FXR2: variants seen among roughly 807,000 people sequenced by gnomAD.
The protein encoded by FXR2 is FMR1 autosomal homolog 2.
A neutral mutation model predicts 87.3 loss-of-function variants in FXR2; 9 were observed. That is an observed-to-expected ratio of 0.10 (90% CI 0.06 to 0.18). The LOEUF (loss-of-function observed/expected upper bound fraction) is 0.18. FXR2 is among the 10% of genes least tolerant of loss of function. The pLI is 1.00. For missense variants in FXR2, 661 were observed against 893.6 expected, an observed-to-expected ratio of 0.74 and a Z score of 3.32; for synonymous variants, 331 against 328.3, an observed-to-expected ratio of 1.01 and a Z score of -0.09.
intron 1 of FXR2, among the ~76,000 whole-genome samples, chr17:7,610,063 CACAT>C (rs201948788): frequency 2.8e-4 from 40 of 141,096 alleles, no homozygotes; most frequent in Middle Eastern, 3.9e-3. Flanking sequence ...CACACACACA[CACAT>C]ATATATAAAT....
In FXR2 at chr17:7,593,816, T is replaced by C. The variant is rs2071686974; in HGVS notation, c.1107+102A>G. 2.3e-6 allele frequency: 2 copies of C among 885,960 alleles called. No individual in the cohort carries two copies. The highest frequency in any genetic ancestry group is 3.7e-6 in the Non-Finnish European group (2 of 539,502). 54.9% of individuals were successfully genotyped at this position (885,960 alleles called of 1,614,324 possible). A position where few individuals can be genotyped will look rare whatever the true frequency, so the allele number is the denominator to read the frequency against. On this transcript the variant is annotated intron_variant, in intron 11 of 16. Coordinates refer to ENST00000250113, the MANE Select transcript of FXR2 (RefSeq NM_004860.4). This position sits in a 1 kb window ranked among gnomAD's most constrained non-coding sequence, Gnocchi z 6.1. ...AAATTTCCACAGATGTTTTCTGTTCTACACGGAGAGACAAACAGAGAACCA... is the reference window on the plus strand; with the variant it reads ...AAATTTCCACAGATGTTTTCTGTTCCACACGGAGAGACAAACAGAGAACCA...
At position 7,614,461 on chromosome 17, in the gene FXR2, G is replaced by A; in HGVS notation, c.72C>T (p.Ala24=). 6.5e-7 allele frequency: 1 copy of A among 1,539,798 alleles called. No homozygotes were observed. Among genetic ancestry groups the A allele is most frequent in the South Asian group, 1.2e-5 (1 of 83,208 alleles). ...CGGCGCGCCGTCTCACCTTGTAGAAGGCCCCGTTGGAGCCGCGCACCTCGA... is the reference window on the plus strand; with the variant it reads ...CGGCGCGCCGTCTCACCTTGTAGAAAGCCCCGTTGGAGCCGCGCACCTCGA... ...LPVEVRGSNG[A]FYKGFVKDVH... The change falls in exon 1 of 17, where the codon GCC becomes GCT. Residue 24 remains alanine, a synonymous_variant. Coordinates refer to ENST00000250113, the MANE Select transcript of FXR2 (RefSeq NM_004860.4).
At chr17:7,607,618 G>A (rs944400794) in intron 1 of FXR2, among the ~76,000 whole-genome samples, 3 of 151,826 alleles carry the variant, frequency 2.0e-5, no homozygotes, top group South Asian at 4.2e-4. Context: ...TAGTAGAGAC[G>A]GGGTTTCACC....
At position 7,592,693 on chromosome 17, in the gene FXR2, C is replaced by T. The variant is rs373919635; in HGVS notation, c.1729+1G>A. The T allele has an allele frequency of 7.4e-6, 12 of 1,613,706 alleles. 1 individual carries two copies. The South Asian group carries it at 8.8e-5, about 12-fold the overall frequency. On this transcript the variant is annotated splice_donor_variant, in intron 14 of 16. Transcript: ENST00000250113. LOFTEE classifies it high-confidence loss of function. This position sits in a 1 kb window ranked among gnomAD's most constrained non-coding sequence, Gnocchi z 4.8. ...TTTCCAGACCCCAGGCACACCCTCA[C>T]CCAGGCCATTCTCTGTCATGTTGGG...
At chr17:7,613,510 T>G (rs1406293521) in intron 1 of FXR2, among the ~76,000 whole-genome samples, 1 of 150,914 alleles carries the variant, frequency 6.6e-6, no homozygotes, top group East Asian at 1.9e-4. Context: ...AAGGGGGAGG[T>G]GAAATAAGGA....
Position 7,603,913 on chromosome 17 carries a change from A to G in FXR2, c.301-8T>C. On this transcript the variant is annotated splice_polypyrimidine_tract_variant and splice_region_variant and intron_variant, in intron 4 of 16. Coordinates refer to ENST00000250113, the MANE Select transcript of FXR2 (RefSeq NM_004860.4). ...ATATTCAATGACATAGAACTGGCAC[A>G]TGGTAAAAAAGGAGAAGTTGTGGAT... 2 of 1,613,868 alleles carry G rather than the reference A, an allele frequency of 1.2e-6. No individual in the cohort carries two copies. Among genetic ancestry groups the G allele is most frequent in the Non-Finnish European group, 8.5e-7 (1 of 1,179,798 alleles).
chr17:7,605,227 G>C (rs2071793564), intron 3 of FXR2, among the ~76,000 whole-genome samples: 1 of 152,064 alleles, frequency 6.6e-6, no homozygotes, highest in Admixed American at 6.6e-5. Context: ...AATTACCCGA[G>C]CATGATGGCA....
chr17:7,607,752 A>C (rs573667757), intron 1 of FXR2, among the ~76,000 whole-genome samples: 2 of 151,356 alleles, frequency 1.3e-5, no homozygotes, highest in African/African-American at 4.9e-5. Flanking sequence ...ATTAAATTTT[A>C]TATATAAGGT....
intron 3 of FXR2, 68 bp from the exon 4 acceptor site, chr17:7,604,148 G>A: frequency 8.3e-7 from 1 of 1,202,250 alleles, no homozygotes; most frequent in Non-Finnish European, 1.2e-6. Flanking sequence ...GGGATGAGGA[G>A]GCCGGGCATG....
rs1443739184 is a variant in FXR2, at chr17:7,592,790, G to A, written c.1633C>T (p.Arg545Cys). ...GTGCGGCGGCGGCGGGAGCGGCGGCGCCTGGCACTTGCTGGGGGGGGTTCC... is the reference window on the plus strand; with the variant it reads ...GTGCGGCGGCGGCGGGAGCGGCGGCACCTGGCACTTGCTGGGGGGGGTTCC... ...PGEPPPASAR[R>C]RRSRRRRTDE... The change falls in exon 14 of 17, where the codon CGC (arginine) becomes TGC (cysteine). Residue 545 changes from arginine to cysteine, a missense_variant. Physicochemically the swap from Arg to Cys is radical, Grantham distance 180. This residue lies in a region of FXR2 where 409 missense variants were observed against 432.0 expected (regional missense o/e 0.95). Coordinates refer to ENST00000250113, the MANE Select transcript of FXR2 (RefSeq NM_004860.4). The surrounding 1 kb of genome is among the most constrained non-coding windows in gnomAD (Gnocchi z 4.8). The A allele has an allele frequency of 7.4e-6, 12 of 1,613,662 alleles. No homozygotes were observed. The highest frequency in any genetic ancestry group is 1.7e-5 in the Admixed American group (1 of 60,006).
Position 7,593,176 on chromosome 17 carries a change from TG to T in FXR2, c.1335del (p.Ser446AlafsTer66). The T allele has an allele frequency of 6.6e-7, 1 of 1,519,906 alleles. No homozygotes were observed. Among genetic ancestry groups the T allele is most frequent in the Non-Finnish European group, 8.8e-7 (1 of 1,135,416 alleles). 94.2% of individuals were successfully genotyped at this position (1,519,906 alleles called of 1,614,324 possible). A position where few individuals can be genotyped will look rare whatever the true frequency, so the allele number is the denominator to read the frequency against. ...GRRTGGPAYG[P>X]SSDVSTASET... Reference sequence around the variant, plus strand: ...TCTGAAGCTGTAGACACATCTGAGCTGGGGCCTGAAGAACACAATGGGATTT... The same window carrying T: ...TCTGAAGCTGTAGACACATCTGAGCTGGGCCTGAAGAACACAATGGGATTT... On this transcript the variant is annotated frameshift_variant, in exon 13 of 17. Transcript: ENST00000250113. LOFTEE classifies it high-confidence loss of function. The surrounding 1 kb of genome is among the most constrained non-coding windows in gnomAD (Gnocchi z 6.1).
chr17:7,610,007 T>TATATATACATGTATATGTATAC (rs1567754038), intron 1 of FXR2, among the ~76,000 whole-genome samples: 3 of 76,964 alleles, frequency 3.9e-5, no homozygotes, highest in African/African-American at 1.4e-4. Flanking sequence ...TATGTATACA[T>TATATATACATGTATATGTATAC]ATATATATAC....
rs537396676 is a variant in FXR2 at position 7,610,038 on chromosome 17, GTATA to G, written c.82-3893_82-3890del. Among the ~76,000 whole-genome samples the G allele has an allele frequency of 2.6e-4, 19 of 72,226 alleles. No individual in the cohort carries two copies. The South Asian group carries it at 6.9e-3, about 26-fold the overall frequency. 47.4% of individuals were successfully genotyped at this position (72,226 alleles called of 152,430 possible). ...TATACATGTATATGTATACATGTAT[GTATA>G]TATATACACACACACACACACACAT... On this transcript the variant is annotated intron_variant, in intron 1 of 16. Coordinates refer to ENST00000250113, the MANE Select transcript of FXR2 (RefSeq NM_004860.4).
intron 5 of FXR2, among the ~76,000 whole-genome samples, 157 bp from the exon 6 acceptor site, chr17:7,603,159 C>T (rs1423619325): frequency 2.0e-5 from 3 of 146,532 alleles, no homozygotes; most frequent in Non-Finnish European, 4.5e-5. Context: ...CTAGCATGGG[C>T]AACATAGTGA....
At chr17:7,613,856 T>C (rs965871222) in intron 1 of FXR2, 7 of 352,724 alleles carry the variant, frequency 2.0e-5, no homozygotes, top group Admixed American at 7.3e-5. Context: ...GGGAAGCAAC[T>C]TGACTGATCC....
At chr17:7,601,231 A>G (rs2071753283) in intron 7 of FXR2, among the ~76,000 whole-genome samples, 178 bp downstream of exon 7, 1 of 152,064 alleles carries the variant, frequency 6.6e-6, no homozygotes, top group South Asian at 2.1e-4. Flanking sequence ...TAATTGCACT[A>G]TACCATGATA....
Position 7,593,547 on chromosome 17 carries a change from C to A in FXR2, c.1186G>T (p.Gly396Trp). 1 of 1,595,692 alleles carries A rather than the reference C, an allele frequency of 6.3e-7. No homozygotes were observed. The change falls in exon 12 of 17, where the codon GGG (glycine) becomes TGG (tryptophan). Residue 396 changes from glycine to tryptophan, a missense_variant. By Grantham distance (184) the Gly-to-Trp change is radical. Coordinates refer to ENST00000250113, the MANE Select transcript of FXR2 (RefSeq NM_004860.4). The surrounding 1 kb of genome is among the most constrained non-coding windows in gnomAD (Gnocchi z 6.1). ...RQIGLGFRPP[G>W]SGRGSGGSDK... ...CTGCCACCGCTGCCCCGCCCACTCCCAGGAGGGCGAAAGCCCAGCCCAATC... is the reference window on the plus strand; with the variant it reads ...CTGCCACCGCTGCCCCGCCCACTCCAAGGAGGGCGAAAGCCCAGCCCAATC...
At chr17:7,601,346 G>A (rs2071754343) in intron 7 of FXR2, 63 bp downstream of exon 7, 1 of 897,496 alleles carries the variant, frequency 1.1e-6, no homozygotes, top group Non-Finnish European at 1.9e-6. Context: ...CATGGATGGA[G>A]GACAGGGTAG....
chr17:7,603,441 C>T (rs1410516767), intron 5 of FXR2, among the ~76,000 whole-genome samples: 3 of 150,558 alleles, frequency 2.0e-5, no homozygotes, highest in African/African-American at 4.9e-5. Context: ...GCAGGAGAAT[C>T]GCCTGAACCT....
Sources: gnomAD v4.1 joint callset for allele counts (sites outside exome capture counted in the v4.1 genomes callset) on GRCh38, gnomAD v4.1.1 for gene constraint, gnomAD v4.1.1 regional missense constraint, Gnocchi (gnomAD v3.1) non-coding constraint, MANE v1.5 for transcripts, NCBI Gene and HGNC (gene_info 2026-07-23, HGNC 2026-07-21) for gene names.